Variants in GALNT9 observed in about 807,000 individuals in gnomAD.
The protein encoded by GALNT9 is GalNAc transferase 9.
GALNT9 carries 47 observed loss-of-function variants against 63.1 expected under a neutral mutation model. The observed-to-expected ratio is 0.75, with a 90% CI of 0.59 to 0.95. The LOEUF (loss-of-function observed/expected upper bound fraction) is 0.95, where lower values mean the gene tolerates loss of function less well. GALNT9 is among the 40% of genes least tolerant of loss of function. The pLI is 0.00. For missense variants in GALNT9, 829 were observed against 874.8 expected (o/e 0.95, Z 0.66); for synonymous variants, 396 against 365.7 (o/e 1.08, Z -0.94).
At chr12:132,287,107 C>T (rs998746300) in intron 1 of GALNT9, among the ~76,000 whole-genome samples, 2 of 135,194 alleles carry the variant, frequency 1.5e-5, no homozygotes, top group African/African-American at 5.3e-5. Flanking sequence ...TCACCTGCAT[C>T]GGGCAGCATC....
chr12:132,297,535 A>G (rs1013058508), intron 1 of GALNT9, among the ~76,000 whole-genome samples: 4 of 149,468 alleles, frequency 2.7e-5, no homozygotes, highest in Non-Finnish European at 5.9e-5. Flanking sequence ...ACAATAACCA[A>G]TCACTCCCGA....
At chr12:132,226,956 TAC>T (rs1274187880) in intron 6 of GALNT9, among the ~76,000 whole-genome samples, 3 of 132,008 alleles carry the variant, frequency 2.3e-5, no homozygotes, top group South Asian at 2.5e-4. Context: ...ATACACCCCA[TAC>T]ACACTGTATA....
In GALNT9 at chr12:132,239,627, CAGAGAGACAGAGTCAG is replaced by C. The variant is rs2136897225; in HGVS notation, c.1077+8267_1077+8282del. ...ACACACACACTGAGAGACTGAGAGA[CAGAGAGACAGAGTCAG>C]AGACAGAGTCAGAGACAGAGAGAGA... is the stretch of plus-strand genomic sequence containing the variant. On this transcript the variant is annotated intron_variant, in intron 6 of 10. Coordinates refer to ENST00000328957, the MANE Select transcript of GALNT9 (RefSeq NM_001122636.2). 7.4e-3 allele frequency among the ~76,000 whole-genome samples: 1,082 copies of C among 147,072 alleles called. 11 individuals are homozygous for C. Among genetic ancestry groups the C allele is most frequent in the Middle Eastern group, 0.029 (8 of 272 alleles).
intron 6 of GALNT9, among the ~76,000 whole-genome samples, chr12:132,230,164 C>A (rs1877838072): frequency 6.6e-6 from 1 of 152,126 alleles, no homozygotes; most frequent in Non-Finnish European, 1.5e-5. Context: ...TGTGGAGAGG[C>A]CGCGCACAGC....
rs1375992095 is a variant in GALNT9 at position 132,252,986 on chromosome 12, C to T, written c.959+4703G>A. Among the ~76,000 whole-genome samples the T allele has an allele frequency of 1.2e-4, 19 of 152,176 alleles. No homozygotes were observed. The highest frequency in any genetic ancestry group is 1.2e-3 in the Admixed American group (19 of 15,286). ...GGGCAGGGTAAGGAGGGTGAATCTTCTAAGTGATTGACAAGGTGAAGCAAG... is the reference window on the plus strand; with the variant it reads ...GGGCAGGGTAAGGAGGGTGAATCTTTTAAGTGATTGACAAGGTGAAGCAAG... On this transcript the variant is annotated intron_variant, in intron 5 of 10. Coordinates refer to ENST00000328957, the MANE Select transcript of GALNT9 (RefSeq NM_001122636.2). This position sits in a 1 kb window ranked among gnomAD's most constrained non-coding sequence, Gnocchi z 5.2.
At chr12:132,248,732 C>T (rs35439748) in intron 5 of GALNT9, among the ~76,000 whole-genome samples, 1 of 152,264 alleles carries the variant, frequency 6.6e-6, no homozygotes, top group Admixed American at 6.5e-5. Flanking sequence ...AGACTGCCAG[C>T]TGTACTATAC....
At chr12:132,248,116 C>T (rs1878785827) in intron 5 of GALNT9, 89 bp from the exon 6 acceptor site, 2 of 1,472,636 alleles carry the variant, frequency 1.4e-6, no homozygotes, top group Non-Finnish European at 1.8e-6. Flanking sequence ...CCTGGAAGAC[C>T]CCACCACCCC....
intron 2 of GALNT9, among the ~76,000 whole-genome samples, chr12:132,263,313 C>T (rs1176932843): frequency 6.6e-6 from 1 of 152,230 alleles, no homozygotes; most frequent in Non-Finnish European, 1.5e-5. Context: ...TGCTTTCTGA[C>T]AAGAAAACGT....
chr12:132,293,832 G>A (rs928218201), intron 1 of GALNT9, among the ~76,000 whole-genome samples: 7 of 151,206 alleles, frequency 4.6e-5, no homozygotes, highest in Admixed American at 2.6e-4. Context: ...ACGAGAAGCC[G>A]GGGGATCCCG....
rs1869195130 is a variant in GALNT9, at chr12:132,329,308, C to A, written c.-105G>T. ...GGGGACCATGAGCCGCCCGGGGCTGCGGGGGCTGCGGGGCTCGGCCGGAGC... is the reference window on the plus strand; with the variant it reads ...GGGGACCATGAGCCGCCCGGGGCTGAGGGGGCTGCGGGGCTCGGCCGGAGC... On this transcript the variant is annotated 5_prime_UTR_variant, in exon 1 of 11. Coordinates refer to ENST00000328957, the MANE Select transcript of GALNT9 (RefSeq NM_001122636.2). 1 of 1,420,750 alleles carries A rather than the reference C, an allele frequency of 7.0e-7. No individual in the cohort carries two copies. Among genetic ancestry groups the A allele is most frequent in the Admixed American group, 2.5e-5 (1 of 40,018 alleles). 88.0% of individuals were successfully genotyped at this position (1,420,750 alleles called of 1,614,324 possible). A position where few individuals can be genotyped will look rare whatever the true frequency, so the allele number is the denominator to read the frequency against.
At chr12:132,320,901 G>A (rs374646965) in intron 1 of GALNT9, among the ~76,000 whole-genome samples, 3 of 152,208 alleles carry the variant, frequency 2.0e-5, no homozygotes, top group Non-Finnish European at 4.4e-5. Flanking sequence ...TACAGATAGG[G>A]AAACCAAGGT....
chr12:132,240,380 G>C (rs1878205450), intron 6 of GALNT9: 2 of 352,102 alleles, frequency 5.7e-6, no homozygotes, highest in Admixed American at 3.8e-5. Context: ...ATGCTGGCCA[G>C]GTGGCTGGTG....
At chr12:132,243,843 A>G (rs1878580396) in intron 6 of GALNT9, among the ~76,000 whole-genome samples, 1 of 151,974 alleles carries the variant, frequency 6.6e-6, no homozygotes, top group South Asian at 2.1e-4. Flanking sequence ...TCACCCATCA[A>G]TCACCGGCCA....
In GALNT9 at chr12:132,269,043, A is replaced by G. The variant is rs202150354; in HGVS notation, c.420-6418T>C. On this transcript the variant is annotated intron_variant, in intron 2 of 10. Coordinates refer to ENST00000328957, the MANE Select transcript of GALNT9 (RefSeq NM_001122636.2). ...CCAGGGCTAGAGCTAGACATCCAGG[A>G]CTGTTTGCCTCCATTAGACAGGACT... is the stretch of plus-strand genomic sequence containing the variant. 2.6e-5 allele frequency among the ~76,000 whole-genome samples: 4 copies of G among 152,360 alleles called. No individual in the cohort carries two copies. The East Asian group carries it at 7.7e-4, about 29-fold the overall frequency.
chr12:132,220,109 G>C (rs898903518), intron 6 of GALNT9, among the ~76,000 whole-genome samples: 2 of 152,298 alleles, frequency 1.3e-5, no homozygotes, highest in Admixed American at 1.3e-4. Context: ...AAAATGACAA[G>C]GCAGCTGGAC....
chr12:132,206,958 G>A (rs1374368948), intron 6 of GALNT9, among the ~76,000 whole-genome samples: 5 of 152,192 alleles, frequency 3.3e-5, no homozygotes, highest in African/African-American at 1.2e-4. Context: ...CCAGCTGCTT[G>A]GGAGGCTGAG....
At chr12:132,269,527 G>C (rs1879788383) in intron 2 of GALNT9, among the ~76,000 whole-genome samples, 1 of 152,224 alleles carries the variant, frequency 6.6e-6, no homozygotes, top group South Asian at 2.1e-4. Flanking sequence ...CCCGAGCCCA[G>C]GGCGGGGTGG....
chr12:132,305,718 T>C (rs1881584240), intron 1 of GALNT9, among the ~76,000 whole-genome samples: 1 of 152,116 alleles, frequency 6.6e-6, no homozygotes, highest in African/African-American at 2.4e-5. Flanking sequence ...CAGCCTTGCC[T>C]GGGTGGCCTC....
chr12:132,300,299 C>G (rs1881244996), intron 1 of GALNT9, among the ~76,000 whole-genome samples: 1 of 145,362 alleles, frequency 6.9e-6, no homozygotes, highest in Non-Finnish European at 1.5e-5. Flanking sequence ...CTGAGATGAC[C>G]AAGCCACTCC....
Sources: gnomAD v4.1 joint callset for allele counts (sites outside exome capture counted in the v4.1 genomes callset) on GRCh38, gnomAD v4.1.1 for gene constraint, Gnocchi (gnomAD v3.1) non-coding constraint, MANE v1.5 for transcripts, NCBI Gene and HGNC (gene_info 2026-07-23, HGNC 2026-07-21) for gene names.